Variants in NRXN3 observed in about 807,000 individuals in gnomAD.
NRXN3 encodes the protein neurexin 3.
Under a neutral mutation model 137.6 loss-of-function variants are expected in NRXN3, and 32 were observed. The ratio of observed to expected loss-of-function variants is 0.23; its 90% CI spans 0.18 to 0.31. The LOEUF (loss-of-function observed/expected upper bound fraction) is 0.31, where lower values mean the gene tolerates loss of function less well. Among genes scored for constraint, NRXN3 ranks in the 10% least tolerant of loss-of-function variants. The pLI, the probability that NRXN3 is intolerant of heterozygous loss-of-function variation, is 1.00. For synonymous variants in NRXN3, 798 were observed against 784.5 expected (o/e 1.02, Z -0.29); for missense variants, 1,574 against 2,062.5 (o/e 0.76, Z 4.59).
At chr14:78,951,880 G>A (rs1034016853) in intron 10 of NRXN3, among the ~76,000 whole-genome samples, 8 of 152,194 alleles carry the variant, frequency 5.3e-5, no homozygotes, top group African/African-American at 1.7e-4. Context: ...AGTAGAGGAT[G>A]AGGCACGGAG....
intron 9 of NRXN3, among the ~76,000 whole-genome samples, chr14:78,809,552 G>A (rs1042832334): frequency 2.0e-5 from 3 of 152,204 alleles, no homozygotes; most frequent in African/African-American, 4.8e-5. Context: ...CCCTACACCC[G>A]ACCCCACCTC....
intron 16 of NRXN3, among the ~76,000 whole-genome samples, chr14:79,628,237 C>G (rs1348082021): frequency 1.3e-5 from 2 of 152,228 alleles, no homozygotes; most frequent in East Asian, 3.9e-4. Flanking sequence ...CATCCTCCTC[C>G]CTCCTTCTTT....
intron 10 of NRXN3, among the ~76,000 whole-genome samples, chr14:78,910,536 A>G (rs2099234219): frequency 6.6e-6 from 1 of 151,952 alleles, no homozygotes; most frequent in Non-Finnish European, 1.5e-5. Context: ...TTCCCCCAAG[A>G]TAGTCACAGG....
chr14:79,799,910 A>G (rs997091227), intron 19 of NRXN3, among the ~76,000 whole-genome samples: 2 of 152,208 alleles, frequency 1.3e-5, no homozygotes, highest in African/African-American at 4.8e-5. Flanking sequence ...TTTATCCCTT[A>G]TAACTGTTAA....
intron 15 of NRXN3, among the ~76,000 whole-genome samples, chr14:79,037,879 G>A (rs567937277): frequency 4.4e-4 from 67 of 152,176 alleles, no homozygotes; most frequent in African/African-American, 1.6e-3. Context: ...ACGCTGGTAC[G>A]GGCTGTGGTG....
At chr14:78,913,245 CT>C (rs1442594395) in intron 10 of NRXN3, among the ~76,000 whole-genome samples, 1 of 103,036 alleles carries the variant, frequency 9.7e-6, no homozygotes, top group African/African-American at 3.7e-5. Context: ...CTTTTCCTTT[CT>C]TTTCTTTCTT....
chr14:79,362,179 T>C (rs2093708527), intron 15 of NRXN3, among the ~76,000 whole-genome samples: 1 of 151,734 alleles, frequency 6.6e-6, no homozygotes, highest in African/African-American at 2.4e-5. Flanking sequence ...CTTTAAGTTC[T>C]AGGGTACATG....
chr14:79,274,027 C>T (rs989185184), intron 15 of NRXN3, among the ~76,000 whole-genome samples: 9 of 147,900 alleles, frequency 6.1e-5, no homozygotes, highest in Non-Finnish European at 8.9e-5. Context: ...AACTGGGACC[C>T]GGGAGGTGGA....
intron 19 of NRXN3, among the ~76,000 whole-genome samples, chr14:79,774,331 G>A (rs1164645832): frequency 1.3e-5 from 2 of 152,146 alleles, no homozygotes; most frequent in South Asian, 2.1e-4. Context: ...AACTGAAATA[G>A]AAAGAGCAAG....
intron 16 of NRXN3, among the ~76,000 whole-genome samples, chr14:79,612,507 A>C (rs932280352): frequency 6.6e-6 from 1 of 152,200 alleles, no homozygotes; most frequent in Non-Finnish European, 1.5e-5. Flanking sequence ...GTAACCATGT[A>C]AAAGAAACTG....
intron 15 of NRXN3, among the ~76,000 whole-genome samples, chr14:79,073,801 A>G (rs529862410): frequency 4.7e-4 from 72 of 152,324 alleles, no homozygotes; most frequent in African/African-American, 1.7e-3. Flanking sequence ...AGTAGCATAC[A>G]TAGTAAAGTA....
chr14:79,572,528 T>G (rs2097617150), intron 16 of NRXN3, among the ~76,000 whole-genome samples: 1 of 152,180 alleles, frequency 6.6e-6, no homozygotes, highest in Non-Finnish European at 1.5e-5. Context: ...CGTGCTCTTT[T>G]GTGATGTGGT....
chr14:79,405,087 A>C (rs2153501837), intron 15 of NRXN3, among the ~76,000 whole-genome samples: 1 of 152,302 alleles, frequency 6.6e-6, no homozygotes, highest in Non-Finnish European at 1.5e-5. Flanking sequence ...CATGGCAACA[A>C]AAGGCCTGAA....
chr14:78,928,768 G>T (rs2099313426), intron 10 of NRXN3, among the ~76,000 whole-genome samples: 1 of 152,148 alleles, frequency 6.6e-6, no homozygotes, highest in African/African-American at 2.4e-5. Context: ...ACATACGTGT[G>T]CATGTGTCTT....
At chr14:79,632,676 A>C (rs1567725213) in intron 16 of NRXN3, among the ~76,000 whole-genome samples, 1 of 151,764 alleles carries the variant, frequency 6.6e-6, no homozygotes, top group Non-Finnish European at 1.5e-5. Flanking sequence ...ACAAATAATA[A>C]ACATATTAAG....
intron 1 of NRXN3, among the ~76,000 whole-genome samples, chr14:78,230,955 A>C (rs919793491): frequency 9.9e-5 from 15 of 152,208 alleles, no homozygotes; most frequent in African/African-American, 3.4e-4. Context: ...GGAAGCAGGG[A>C]TACCTGTTGG....
At chr14:78,663,795 A>G (rs1426902274) in intron 6 of NRXN3, among the ~76,000 whole-genome samples, 1 of 152,168 alleles carries the variant, frequency 6.6e-6, no homozygotes, top group East Asian at 1.9e-4. Context: ...GTAATCTACC[A>G]CAACATTCCT....
At chr14:78,874,153 G>A (rs1384372453) in intron 10 of NRXN3, among the ~76,000 whole-genome samples, 2 of 151,948 alleles carry the variant, frequency 1.3e-5, no homozygotes, top group East Asian at 3.9e-4. Flanking sequence ...TGTATTTTTA[G>A]TAGAGATAGG....
chr14:78,304,023 T>C (rs1002790116), intron 4 of NRXN3, among the ~76,000 whole-genome samples: 2 of 152,120 alleles, frequency 1.3e-5, no homozygotes, highest in African/African-American at 4.8e-5. Flanking sequence ...ATTTTAGATA[T>C]GGGGGGAGGG....
Sources: allele counts gnomAD v4.1 joint callset (sites outside exome capture counted in the v4.1 genomes callset), GRCh38; gene constraint gnomAD v4.1.1; transcripts MANE v1.5; gene names NCBI Gene and HGNC (gene_info 2026-07-23, HGNC 2026-07-21).